The following ZNF26 variants were observed in gnomAD, a reference collection of about 807,000 sequenced individuals.
The protein encoded by ZNF26 is zinc finger protein 26, also known as epididymis luminal protein 179.
ZNF26 carries 32 observed loss-of-function variants against 54.9 expected under a neutral mutation model. The ratio of observed to expected loss-of-function variants is 0.58; its 90% CI spans 0.44 to 0.78. ZNF26 has a LOEUF of 0.78. ZNF26 is among the 30% of genes least tolerant of loss of function. The pLI is 0.00. For missense variants in ZNF26, 524 were observed against 634.0 expected (o/e 0.83, Z 1.86); for synonymous variants, 221 against 209.2 (o/e 1.06, Z -0.49).
Position 133,011,455 on chromosome 12 carries a change from C to T in ZNF26, c.1576C>T (p.Arg526Cys), listed in dbSNP as rs1490351584. Residue 526 changes from arginine to cysteine, a missense_variant, in exon 4 of 4, where the codon CGT becomes TGT. Physicochemically the swap from Arg to Cys is radical, Grantham distance 180 (BLOSUM62 -3). Transcript: ENST00000328654. Reference sequence around the variant, plus strand: ...ATCCTTCTGTTGGAATTCAGGGCTTCGTATACATCGGAAGACTCATAAATG... The same window carrying T: ...ATCCTTCTGTTGGAATTCAGGGCTTTGTATACATCGGAAGACTCATAAATG... ...GKSFCWNSGLRIHRKTHK is the reference protein window; with the variant it reads ...GKSFCWNSGLCIHRKTHK The T allele has an allele frequency of 7.0e-6, 11 of 1,568,334 alleles. No homozygotes were observed. In the South Asian group the frequency reaches 7.3e-5, roughly 10 times the overall value.
At chr12:132,986,971 C>G (rs1356927747) in intron 1 of ZNF26, 98 bp downstream of exon 1, 1 of 1,359,044 alleles carries the variant, frequency 7.4e-7, no homozygotes, top group Non-Finnish European at 1.0e-6. Context: ...TCACATTCAG[C>G]TGTAATTGTG....
Position 133,019,209 on chromosome 12 carries a change from A to C in ZNF26, c.*7728A>C, listed in dbSNP as rs1953607106. On this transcript the variant is annotated 3_prime_UTR_variant, in exon 4 of 4. Coordinates refer to ENST00000328654, the MANE Select transcript of ZNF26 (RefSeq NM_019591.4). Reference sequence around the variant, plus strand: ...ACAATTGGGATTACATCAAGCTGGGAAGCTTCCATACTGCCGAGGAAATAA... The same window carrying C: ...ACAATTGGGATTACATCAAGCTGGGCAGCTTCCATACTGCCGAGGAAATAA... 1 of 152,204 alleles carries C rather than the reference A, an allele frequency of 6.6e-6. No homozygotes were observed. Among genetic ancestry groups the C allele is most frequent in the East Asian group, 1.9e-4 (1 of 5,202 alleles). 9.4% of individuals were successfully genotyped at this position (152,204 alleles called of 1,614,324 possible).
intron 1 of ZNF26, among the ~76,000 whole-genome samples, chr12:132,991,931 T>G (rs1306839982): frequency 1.3e-5 from 2 of 152,174 alleles, no homozygotes; most frequent in Non-Finnish European, 2.9e-5. Context: ...GCGGGTCATT[T>G]GAGGTCAGGA....
In ZNF26 at chr12:133,007,030, GTGTTA is replaced by G; in HGVS notation, c.34-10_34-6del. 6.2e-7 allele frequency: 1 copy of G among 1,614,118 alleles called. No homozygotes were observed. The highest frequency in any genetic ancestry group is 8.5e-7 in the Non-Finnish European group (1 of 1,179,972). ...AATTGCATCCAATTGAACAGGGTGTGTGTTATTTCAGGGATTATTGTCATTCAAGG... is the reference window on the plus strand; with the variant it reads ...AATTGCATCCAATTGAACAGGGTGTGTTTCAGGGATTATTGTCATTCAAGG... On this transcript the variant is annotated splice_polypyrimidine_tract_variant and splice_region_variant and intron_variant, in intron 1 of 3. Coordinates refer to ENST00000328654, the MANE Select transcript of ZNF26 (RefSeq NM_019591.4).
chr12:133,000,646 G>T (rs1274598213), intron 1 of ZNF26, among the ~76,000 whole-genome samples: 1 of 151,922 alleles, frequency 6.6e-6, no homozygotes, highest in Admixed American at 6.6e-5. Context: ...GGATGGTCTC[G>T]ATCTCCTGAC....
chr12:133,006,045 C>CT, intron 1 of ZNF26: 1 of 980,814 alleles, frequency 1.0e-6, no homozygotes, highest in Non-Finnish European at 1.2e-6. Flanking sequence ...TTTTTTCTTT[C>CT]TTTCATAATA....
At chr12:133,004,440 A>G (rs1181656505) in intron 1 of ZNF26, 4 of 152,200 alleles carry the variant, frequency 2.6e-5, no homozygotes, top group Admixed American at 1.3e-4. Context: ...CGTTGTATCC[A>G]GCTTCCCACC....
chr12:133,026,002 C>G lies in ZNF26; in HGVS notation c.*14521C>G, dbSNP rs1230400340. 6.6e-6 allele frequency: 1 copy of G among 152,420 alleles called. No individual in the cohort carries two copies. Among genetic ancestry groups the G allele is most frequent in the African/African-American group, 2.4e-5 (1 of 41,446 alleles). 9.4% of individuals were successfully genotyped at this position (152,420 alleles called of 1,614,324 possible). A position where few individuals can be genotyped will look rare whatever the true frequency, so the allele number is the denominator to read the frequency against. On this transcript the variant is annotated 3_prime_UTR_variant, in exon 4 of 4. Transcript: ENST00000328654. ...GAGTGAGAGATGCCTAAAACACCCC[C>G]AGGCATTCCAGCCCCTTCTGTTCTA... is the stretch of plus-strand genomic sequence containing the variant.
At chr12:133,008,085 C>T (rs1391496507) in intron 3 of ZNF26, among the ~76,000 whole-genome samples, 1 of 152,114 alleles carries the variant, frequency 6.6e-6, no homozygotes, top group Non-Finnish European at 1.5e-5. Flanking sequence ...AAAGGCTCTT[C>T]CGTTCCGAAG....
chr12:133,010,652 A>G lies in ZNF26; in HGVS notation c.773A>G (p.Tyr258Cys). 6.2e-7 allele frequency: 1 copy of G among 1,614,126 alleles called. No homozygotes were observed. The highest frequency in any genetic ancestry group is 1.1e-5 in the South Asian group (1 of 91,086). The stretch of plus-strand genomic sequence containing the variant: ...GAAATTCACACAGGAGGGAAACCCT[A>G]TGGCTGCAGTGAATGTGGGAAAGCC... Reference protein sequence around the residue: ...HQEIHTGGKPYGCSECGKAYS... With the variant: ...HQEIHTGGKPCGCSECGKAYS... The change falls in exon 4 of 4, where the codon TAT (tyrosine) becomes TGT (cysteine). Residue 258 changes from tyrosine (Y) to cysteine (C), a missense_variant. Coordinates refer to ENST00000328654, the MANE Select transcript of ZNF26 (RefSeq NM_019591.4).
At position 133,012,143 on chromosome 12, in the gene ZNF26, A is replaced by T. The variant is rs1479776550; in HGVS notation, c.*662A>T. The T allele has an allele frequency of 6.6e-6, 1 of 152,254 alleles. No homozygotes were observed. The highest frequency in any genetic ancestry group is 1.9e-4 in the East Asian group (1 of 5,192). 9.4% of individuals were successfully genotyped at this position (152,254 alleles called of 1,614,324 possible). Reference sequence around the variant, plus strand: ...TTTCTTTTTCATAAGCAGATCTGGCATTTATTACAGGGCTGCCGCTTAAGA... The same window carrying T: ...TTTCTTTTTCATAAGCAGATCTGGCTTTTATTACAGGGCTGCCGCTTAAGA... On this transcript the variant is annotated 3_prime_UTR_variant, in exon 4 of 4. Coordinates refer to ENST00000328654, the MANE Select transcript of ZNF26 (RefSeq NM_019591.4).
chr12:132,988,217 C>A (rs1402961131), intron 1 of ZNF26, among the ~76,000 whole-genome samples: 1 of 151,070 alleles, frequency 6.6e-6, no homozygotes, highest in African/African-American at 2.4e-5. Flanking sequence ...CCATGTTGCC[C>A]AGGCTGGTCT....
intron 1 of ZNF26, among the ~76,000 whole-genome samples, chr12:132,999,501 T>G (rs1250240306): frequency 6.6e-6 from 1 of 152,108 alleles, no homozygotes; most frequent in Non-Finnish European, 1.5e-5. Context: ...ATTATTTGCC[T>G]GCCTCAGCCT....
Position 133,011,312 on chromosome 12 carries a change from G to A in ZNF26, c.1433G>A (p.Gly478Glu). The change falls in exon 4 of 4, where the codon GGA becomes GAA. Residue 478 changes from glycine to glutamate, a missense_variant. Physicochemically the swap from Gly to Glu is moderately conservative, Grantham distance 98. Coordinates refer to ENST00000328654, the MANE Select transcript of ZNF26 (RefSeq NM_019591.4). ...SLQIHQKTHS[G>E]EKPFKCSECG... ...CAGATACACCAGAAAACTCATTCGG[G>A]AGAGAAACCTTTTAAATGCAGTGAA... 1 of 1,614,038 alleles carries A rather than the reference G, an allele frequency of 6.2e-7. No homozygotes were observed. Among genetic ancestry groups the A allele is most frequent in the Admixed American group, 1.7e-5 (1 of 60,008 alleles).
chr12:133,011,037 T>G lies in ZNF26; in HGVS notation c.1158T>G (p.Thr386=), dbSNP rs1953460789. ...CCTTTGGTAGGAAGGAACAGCTCAC[T>G]GCACATCTGAGAGCTCATGCAGGAG... ...GKAFGRKEQL[T]AHLRAHAGEK... Residue 386 remains threonine (T), a synonymous_variant, in exon 4 of 4, where the codon ACT becomes ACG. Coordinates refer to ENST00000328654, the MANE Select transcript of ZNF26 (RefSeq NM_019591.4). 5.0e-6 allele frequency: 8 copies of G among 1,614,052 alleles called. No homozygotes were observed. The highest frequency in any genetic ancestry group is 1.1e-5 in the South Asian group (1 of 91,094).
chr12:133,009,615 T>G (rs1219028698), intron 3 of ZNF26, among the ~76,000 whole-genome samples: 5 of 151,980 alleles, frequency 3.3e-5, no homozygotes, highest in African/African-American at 9.7e-5. Flanking sequence ...ATCTTAAAAA[T>G]ATGAACAACT....
In ZNF26 at chr12:133,012,581, T is replaced by TG. The variant is rs1238522813; in HGVS notation, c.*1100_*1101insG. On this transcript the variant is annotated 3_prime_UTR_variant, in exon 4 of 4. Coordinates refer to ENST00000328654, the MANE Select transcript of ZNF26 (RefSeq NM_019591.4). The stretch of plus-strand genomic sequence containing the variant: ...TCTTTTGCTTTTTGTTGTTTGGGTT[T>TG]TTTTTTTTTTTTTTTTTTTTTTTTT... 2 of 105,062 alleles carry TG rather than the reference T, an allele frequency of 1.9e-5. No individual in the cohort carries two copies. The highest frequency in any genetic ancestry group is 2.4e-4 in the East Asian group (1 of 4,190). The allele number at this position is 105,062 out of a possible 1,614,324, so 6.5% of individuals were successfully genotyped here. A position where few individuals can be genotyped will look rare whatever the true frequency, so the allele number is the denominator to read the frequency against.
In ZNF26 at chr12:133,015,022, TCTCC is replaced by T; in HGVS notation, c.*3546_*3549del. On this transcript the variant is annotated 3_prime_UTR_variant, in exon 4 of 4. Coordinates refer to ENST00000328654, the MANE Select transcript of ZNF26 (RefSeq NM_019591.4). ...TATGTGTTCCTAAGACCCTCAGCCC[TCTCC>T]CTCCACCAAGACCCAATAAAAGTGT... 1 of 152,112 alleles carries T rather than the reference TCTCC, an allele frequency of 6.6e-6. No homozygotes were observed. The highest frequency in any genetic ancestry group is 1.5e-5 in the Non-Finnish European group (1 of 68,036). 9.4% of individuals were successfully genotyped at this position (152,112 alleles called of 1,614,324 possible).
At position 133,018,241 on chromosome 12, in the gene ZNF26, A is replaced by G. The variant is rs939666515; in HGVS notation, c.*6760A>G. 2.6e-5 allele frequency: 4 copies of G among 152,320 alleles called. No individual in the cohort carries two copies. The East Asian group carries it at 5.8e-4, about 22-fold the overall frequency. 9.4% of individuals were successfully genotyped at this position (152,320 alleles called of 1,614,324 possible). A position where few individuals can be genotyped will look rare whatever the true frequency, so the allele number is the denominator to read the frequency against. ...ACTGTAACAAAAGCTGTTAATATAT[A>G]CTTTCTCTTCATCTCTCAGCCTCTT... On this transcript the variant is annotated 3_prime_UTR_variant, in exon 4 of 4. Transcript: ENST00000328654.
Sources: gnomAD v4.1 joint callset for allele counts (sites outside exome capture counted in the v4.1 genomes callset) on GRCh38, gnomAD v4.1.1 for gene constraint, MANE v1.5 for transcripts, NCBI Gene and HGNC (gene_info 2026-07-23, HGNC 2026-07-21) for gene names.